The following PGLYRP4 variants were observed in gnomAD, a reference collection of about 807,000 sequenced individuals.
PGLYRP4 encodes PGRP-I-beta.
Under a neutral mutation model 41.2 loss-of-function variants are expected in PGLYRP4, and 39 were observed. The observed-to-expected ratio is 0.95, with a 90% CI of 0.73 to 1.24. PGLYRP4 has a LOEUF of 1.24. Among genes scored for constraint, PGLYRP4 ranks in the 50% most tolerant of loss-of-function variants. The pLI is 0.00. For missense variants in PGLYRP4, 467 were observed against 460.7 expected, an observed-to-expected ratio of 1.01 and a Z score of -0.13; for synonymous variants, 202 against 186.8, an observed-to-expected ratio of 1.08 and a Z score of -0.66.
At chr1:153,335,579 G>T (rs1397011222) in intron 8 of PGLYRP4, among the ~76,000 whole-genome samples, 3 of 152,102 alleles carry the variant, frequency 2.0e-5, no homozygotes, top group Non-Finnish European at 1.5e-5. Context: ...TAAAAAATTA[G>T]CTGGGTGTGG....
intron 1 of PGLYRP4, among the ~76,000 whole-genome samples, chr1:153,348,317 T>C (rs1661101748): frequency 6.6e-6 from 1 of 152,192 alleles, no homozygotes; most frequent in African/African-American, 2.4e-5. Context: ...GATCCAAGAA[T>C]GGTACAACCG....
In PGLYRP4 at chr1:153,343,260, G is replaced by A. The variant is rs1305775029; in HGVS notation, c.354-52C>T. Reference sequence around the variant, plus strand: ...ATGGCTGGCACTGTAGGACATTCCTGAGAGGTGAAACCACTTACCCAGCCT... The same window carrying A: ...ATGGCTGGCACTGTAGGACATTCCTAAGAGGTGAAACCACTTACCCAGCCT... On this transcript the variant is annotated intron_variant, in intron 4 of 8. Coordinates refer to ENST00000359650, the MANE Select transcript of PGLYRP4 (RefSeq NM_020393.4). 4 of 1,288,442 alleles carry A rather than the reference G, an allele frequency of 3.1e-6. No homozygotes were observed. The Admixed American group carries it at 7.2e-5, about 23-fold the overall frequency. The allele number at this position is 1,288,442 out of a possible 1,614,324, so 79.8% of individuals were successfully genotyped here.
At chr1:153,345,570 G>C (rs1045795162) in intron 3 of PGLYRP4, among the ~76,000 whole-genome samples, 188 bp from the exon 4 acceptor site, 2 of 152,124 alleles carry the variant, frequency 1.3e-5, no homozygotes, top group Non-Finnish European at 2.9e-5. Flanking sequence ...TCTGCACCTG[G>C]CCAGGGAGCC....
intron 8 of PGLYRP4, 38 bp from the exon 9 acceptor site, chr1:153,330,983 G>T (rs1660313241): frequency 1.3e-6 from 2 of 1,563,374 alleles, no homozygotes. Context: ...CAGGATTACA[G>T]GGCACCCTGC....
At chr1:153,343,242 G>A (rs1223328673) in intron 4 of PGLYRP4, 34 bp from the exon 5 acceptor site, 2 of 1,446,746 alleles carry the variant, frequency 1.4e-6, no homozygotes, top group Non-Finnish European at 1.9e-6. Flanking sequence ...TTCATGGCTG[G>A]CACTGTAGGA....
chr1:153,340,445 G>T lies in PGLYRP4; in HGVS notation c.760C>A (p.Leu254Met), dbSNP rs769904328. 3.1e-6 allele frequency: 5 copies of T among 1,614,078 alleles called. No homozygotes were observed. In the South Asian group the frequency reaches 5.5e-5, roughly 18 times the overall value. The change falls in exon 7 of 9, where the codon CTG (leucine) becomes ATG (methionine). Residue 254 changes from leucine to methionine, a missense_variant. Physicochemically the swap from Leu to Met is conservative, Grantham distance 15 (BLOSUM62 2). Transcript: ENST00000359650. ...AAAGACTGGATGTCCCGGACCAGCA[G>T]GCGGCACTCATCAGAAATGTTGCAG... ...RTCNISDECR[L>M]LVRDIQSFYI... is the part of the protein sequence containing the mutation.
At chr1:153,341,527 A>C in intron 6 of PGLYRP4, 100 bp downstream of exon 6, 2 of 1,118,944 alleles carry the variant, frequency 1.8e-6, no homozygotes, top group Non-Finnish European at 2.5e-6. Flanking sequence ...TCCAGAAGGA[A>C]TCTAATGGGC....
At position 153,330,881 on chromosome 1, in the gene PGLYRP4, T is replaced by G; in HGVS notation, c.1008A>C (p.Lys336Asn). ...GCAGGTAGTTGGGAGTCAGGTACCC[T>G]TTGACCATGGCACACTGGATCAGGT... is the stretch of plus-strand genomic sequence containing the variant. ...AQDLIQCAMVKGYLTPNYLLV... is the reference protein window; with the variant it reads ...AQDLIQCAMVNGYLTPNYLLV... Residue 336 changes from lysine to asparagine, a missense_variant, in exon 9 of 9, where the codon AAA (lysine) becomes AAC (asparagine). Transcript: ENST00000359650. The G allele has an allele frequency of 6.2e-7, 1 of 1,613,940 alleles. No homozygotes were observed. The highest frequency in any genetic ancestry group is 1.1e-5 in the South Asian group (1 of 91,062).
At chr1:153,338,486 A>G (rs1660660609) in intron 7 of PGLYRP4, among the ~76,000 whole-genome samples, 1 of 152,252 alleles carries the variant, frequency 6.6e-6, no homozygotes. Flanking sequence ...TACAAATCTT[A>G]CTATGTCAAA....
chr1:153,348,159 T>G (rs1661096894), intron 1 of PGLYRP4, among the ~76,000 whole-genome samples, 181 bp from the exon 2 acceptor site: 1 of 152,146 alleles, frequency 6.6e-6, no homozygotes, highest in Non-Finnish European at 1.5e-5. Flanking sequence ...CCCTGTCCTA[T>G]TATTACCCGA....
chr1:153,345,628 C>T (rs1162636089), intron 3 of PGLYRP4, among the ~76,000 whole-genome samples: 1 of 152,234 alleles, frequency 6.6e-6, no homozygotes, highest in Non-Finnish European at 1.5e-5. Context: ...CATCTCCTCC[C>T]CTGCTGTGGT....
chr1:153,341,997 C>T (rs763934794), intron 5 of PGLYRP4, among the ~76,000 whole-genome samples: 7 of 152,166 alleles, frequency 4.6e-5, no homozygotes, highest in Admixed American at 6.5e-5. Flanking sequence ...CAAATACCTG[C>T]CAAACTTCAC....
chr1:153,343,755 C>A (rs1660893670), intron 4 of PGLYRP4, among the ~76,000 whole-genome samples: 1 of 152,186 alleles, frequency 6.6e-6, no homozygotes, highest in Admixed American at 6.5e-5. Flanking sequence ...ACTTTAAATT[C>A]CAGCTCCCTT....
At chr1:153,339,879 C>T (rs1449437266) in intron 7 of PGLYRP4, among the ~76,000 whole-genome samples, 1 of 152,132 alleles carries the variant, frequency 6.6e-6, no homozygotes, top group African/African-American at 2.4e-5. Context: ...TTTGGTCTCT[C>T]CCCCGCCTTC....
At chr1:153,344,504 C>T (rs1435477976) in intron 4 of PGLYRP4, among the ~76,000 whole-genome samples, 1 of 152,174 alleles carries the variant, frequency 6.6e-6, no homozygotes, top group Admixed American at 6.5e-5. Context: ...TCGTCAGGGG[C>T]TGGGGGAAGG....
In PGLYRP4 at chr1:153,330,511, T is replaced by C; in HGVS notation, c.*256A>G. 3.6e-6 allele frequency: 1 copy of C among 274,262 alleles called. No homozygotes were observed. Among genetic ancestry groups the C allele is most frequent in the Non-Finnish European group, 7.0e-6 (1 of 142,138 alleles). The allele number at this position is 274,262 out of a possible 1,614,324, so 17.0% of individuals were successfully genotyped here. A position where few individuals can be genotyped will look rare whatever the true frequency, so the allele number is the denominator to read the frequency against. ...TGTCTCACCTGGCTGAGGAGTTGGG[T>C]TTCCAAGGGAGAGGAAGGTAAGGAG... On this transcript the variant is annotated 3_prime_UTR_variant, in exon 9 of 9. Coordinates refer to ENST00000359650, the MANE Select transcript of PGLYRP4 (RefSeq NM_020393.4).
intron 2 of PGLYRP4, among the ~76,000 whole-genome samples, chr1:153,347,148 A>G (rs1661044996): frequency 6.6e-6 from 1 of 152,064 alleles, no homozygotes; most frequent in African/African-American, 2.4e-5. Flanking sequence ...ATCTCGGCTC[A>G]CTACAACCTC....
intron 7 of PGLYRP4, 123 bp downstream of exon 7, chr1:153,340,258 A>G (rs1187887109): frequency 1.2e-6 from 1 of 816,144 alleles, no homozygotes; most frequent in African/African-American, 1.7e-5. Context: ...TCATTTGGTT[A>G]TCCATACAGT....
intron 2 of PGLYRP4, among the ~76,000 whole-genome samples, chr1:153,346,578 G>A (rs180778754): frequency 4.6e-5 from 7 of 152,266 alleles, no homozygotes; most frequent in Admixed American, 1.3e-4. Flanking sequence ...TGTGAAGAAG[G>A]GGTTAGAATT....
Sources: gnomAD v4.1 joint callset for allele counts (sites outside exome capture counted in the v4.1 genomes callset) on GRCh38, gnomAD v4.1.1 for gene constraint, MANE v1.5 for transcripts, NCBI Gene and HGNC (gene_info 2026-07-23, HGNC 2026-07-21) for gene names.